Variants in HCN1 observed in about 807,000 individuals in gnomAD.
HCN1 encodes the protein potassium/sodium hyperpolarization-activated cyclic nucleotide-gated channel 1.
A neutral mutation model predicts 78.9 loss-of-function variants in HCN1; 13 were observed. The ratio of observed to expected loss-of-function variants is 0.16; its 90% confidence interval spans 0.11 to 0.26. The LOEUF (loss-of-function observed/expected upper bound fraction) is 0.26, where lower values mean the gene tolerates loss of function less well. Among genes scored for constraint, HCN1 ranks in the 10% least tolerant of loss-of-function variants. The pLI is 1.00. For synonymous variants in HCN1, 552 were observed against 455.5 expected, an observed-to-expected ratio of 1.21 and a Z score of -2.70; for missense variants, 810 against 1,154.3, an observed-to-expected ratio of 0.70 and a Z score of 4.32.
At chr5:45,283,757 G>T (rs1271694254) in intron 6 of HCN1, among the ~76,000 whole-genome samples, 1 of 152,088 alleles carries the variant, frequency 6.6e-6, no homozygotes, top group Non-Finnish European at 1.5e-5. Context: ...GCTAAAAACA[G>T]AACTACCATT....
intron 2 of HCN1, among the ~76,000 whole-genome samples, chr5:45,514,837 A>C (rs1742486873): frequency 6.6e-6 from 1 of 152,086 alleles, no homozygotes; most frequent in Non-Finnish European, 1.5e-5. Flanking sequence ...CTTTACTTGA[A>C]TATTTCTGAA....
chr5:45,481,184 C>A (rs1406402574), intron 2 of HCN1, among the ~76,000 whole-genome samples: 1 of 152,158 alleles, frequency 6.6e-6, no homozygotes, highest in Non-Finnish European at 1.5e-5. Flanking sequence ...TATTAAGAGA[C>A]CTACAGAAGA....
chr5:45,444,492 C>T (rs1250457357), intron 3 of HCN1, among the ~76,000 whole-genome samples: 4 of 151,976 alleles, frequency 2.6e-5, no homozygotes, highest in South Asian at 4.1e-4. Context: ...TCAATTATGT[C>T]GTATATTGAA....
At chr5:45,371,197 C>T (rs1469736129) in intron 4 of HCN1, among the ~76,000 whole-genome samples, 1 of 151,750 alleles carries the variant, frequency 6.6e-6, no homozygotes, top group Non-Finnish European at 1.5e-5. Context: ...AAATTAATAA[C>T]CTAAAATCAC....
intron 1 of HCN1, among the ~76,000 whole-genome samples, chr5:45,694,199 C>T (rs1253915666): frequency 1.3e-5 from 2 of 151,896 alleles, no homozygotes; most frequent in East Asian, 3.9e-4. Flanking sequence ...TTTTAATGAA[C>T]GTTCTTTCAA....
At chr5:45,392,392 G>C (rs1739586536) in intron 4 of HCN1, among the ~76,000 whole-genome samples, 1 of 152,094 alleles carries the variant, frequency 6.6e-6, no homozygotes, top group African/African-American at 2.4e-5. Context: ...ATTTGCCTGA[G>C]CTAAATAGGT....
At chr5:45,543,682 A>C (rs909435624) in intron 2 of HCN1, among the ~76,000 whole-genome samples, 1 of 152,050 alleles carries the variant, frequency 6.6e-6, no homozygotes, top group Non-Finnish European at 1.5e-5. Context: ...CTTCCATACA[A>C]TGTGTATTAA....
chr5:45,660,277 C>T (rs1402961746), intron 1 of HCN1, among the ~76,000 whole-genome samples: 2 of 106,706 alleles, frequency 1.9e-5, no homozygotes, highest in Non-Finnish European at 3.6e-5. Flanking sequence ...ACCAGCAGGC[C>T]TGCCCTAAAA....
chr5:45,690,620 G>T, intron 1 of HCN1, among the ~76,000 whole-genome samples: 1 of 151,842 alleles, frequency 6.6e-6, no homozygotes, highest in Non-Finnish European at 1.5e-5. Context: ...ACATCCAGAT[G>T]CCTTCACAAA....
At chr5:45,510,964 A>G (rs1176116632) in intron 2 of HCN1, among the ~76,000 whole-genome samples, 1 of 152,052 alleles carries the variant, frequency 6.6e-6, no homozygotes, top group Non-Finnish European at 1.5e-5. Context: ...GGAAATTAGC[A>G]ATCTCTTTCT....
chr5:45,545,660 A>G (rs980898945), intron 2 of HCN1, among the ~76,000 whole-genome samples: 10 of 152,152 alleles, frequency 6.6e-5, no homozygotes, highest in Non-Finnish European at 1.3e-4. Flanking sequence ...TCAGCTTTCT[A>G]CATATGGCTA....
intron 2 of HCN1, among the ~76,000 whole-genome samples, chr5:45,580,580 C>G (rs2111919837): frequency 6.6e-6 from 1 of 152,118 alleles, no homozygotes; most frequent in South Asian, 2.1e-4. Context: ...GGTACATGTG[C>G]ACAACCTGCA....
At chr5:45,432,029 T>G (rs369924544) in intron 3 of HCN1, among the ~76,000 whole-genome samples, 94 of 152,330 alleles carry the variant, frequency 6.2e-4, no homozygotes, top group African/African-American at 1.9e-3. Context: ...TTAGGCAGCA[T>G]GACCATTTTA....
intron 2 of HCN1, among the ~76,000 whole-genome samples, chr5:45,606,934 C>T (rs969198062): frequency 2.0e-5 from 3 of 151,514 alleles, no homozygotes; most frequent in African/African-American, 7.3e-5. Flanking sequence ...CTTTAAGGCT[C>T]ACATTAGAAA....
At chr5:45,385,754 G>A (rs1023461762) in intron 4 of HCN1, among the ~76,000 whole-genome samples, 1 of 152,046 alleles carries the variant, frequency 6.6e-6, no homozygotes, top group Non-Finnish European at 1.5e-5. Context: ...TGTAAGTTTC[G>A]GTGAATTGGC....
chr5:45,610,295 A>G (rs1744807841), intron 2 of HCN1, among the ~76,000 whole-genome samples: 3 of 152,082 alleles, frequency 2.0e-5, no homozygotes, highest in Admixed American at 2.0e-4. Flanking sequence ...TCCCTATAGA[A>G]CTATCTGTGA....
chr5:45,633,180 CA>C (rs1196702898), intron 2 of HCN1, among the ~76,000 whole-genome samples: 1 of 151,536 alleles, frequency 6.6e-6, no homozygotes, highest in Admixed American at 6.6e-5. Flanking sequence ...CTAAAAACAA[CA>C]AAAAAACCAT....
intron 4 of HCN1, among the ~76,000 whole-genome samples, chr5:45,371,756 CAA>C (rs994051451): frequency 8.0e-5 from 10 of 125,096 alleles, no homozygotes; most frequent in African/African-American, 2.8e-4. Flanking sequence ...GACTCCATCT[CAA>C]AAAAAAAAAT....
intron 5 of HCN1, among the ~76,000 whole-genome samples, chr5:45,350,721 TAC>T (rs1746877349): frequency 1.3e-5 from 2 of 151,226 alleles, no homozygotes; most frequent in Admixed American, 1.3e-4. Flanking sequence ...AGCATTCTTA[TAC>T]ACCAACAACA....
Sources: gnomAD v4.1 joint callset for allele counts (sites outside exome capture counted in the v4.1 genomes callset) on GRCh38, gnomAD v4.1.1 for gene constraint, MANE v1.5 for transcripts, NCBI Gene and HGNC (gene_info 2026-07-23, HGNC 2026-07-21) for gene names.